The following AASDH variants were observed in gnomAD, a reference collection of about 807,000 sequenced individuals.
The protein encoded by AASDH is aminoadipate-semialdehyde dehydrogenase.
In AASDH, 81 loss-of-function variants were observed where a neutral mutation model predicts 102.3. The ratio of observed to expected loss-of-function variants is 0.79; its 90% CI spans 0.66 to 0.95. AASDH has a LOEUF of 0.95. Among genes scored for constraint, AASDH ranks in the 40% least tolerant of loss-of-function variants. AASDH has a pLI of 0.00. For missense variants in AASDH, 1,203 were observed against 1,266.2 expected, an observed-to-expected ratio of 0.95 and a Z score of 0.76; for synonymous variants, 398 against 454.0, an observed-to-expected ratio of 0.88 and a Z score of 1.57.
chr4:56,344,658 C>T (rs930468066), intron 12 of AASDH, among the ~76,000 whole-genome samples: 6 of 151,928 alleles, frequency 3.9e-5, no homozygotes, highest in East Asian at 3.8e-4. Context: ...TTGATATCTT[C>T]GTCATTTTTT....
chr4:56,379,124 T>A (rs1263054543), intron 3 of AASDH, among the ~76,000 whole-genome samples: 2 of 151,996 alleles, frequency 1.3e-5, no homozygotes, highest in African/African-American at 4.8e-5. Context: ...CTTGACCTCA[T>A]GATCCGCCAG....
At chr4:56,376,216 G>C (rs78783613) in intron 4 of AASDH, among the ~76,000 whole-genome samples, 2,406 of 151,940 alleles carry the variant, frequency 0.016, 73 homozygotes, top group African/African-American at 0.055. Context: ...CTTAAAGACA[G>C]AGTCCCACTA....
In AASDH at chr4:56,351,357, T is replaced by C; in HGVS notation, c.1677A>G (p.Leu559=). The C allele has an allele frequency of 6.3e-7, 1 of 1,580,162 alleles. No homozygotes were observed. The highest frequency in any genetic ancestry group is 1.1e-5 in the South Asian group (1 of 88,064). Residue 559 remains leucine (L), a synonymous_variant, in exon 10 of 15, where the codon TTA becomes TTG. Coordinates refer to ENST00000205214, the MANE Select transcript of AASDH (RefSeq NM_181806.4). The part of the protein sequence containing the change: ...LSGKEDLWEK[L]QYLWKSTLNL... ...AAAATTGTACCTTCCACAAATACTG[T>C]AATTTTTCCCAAAGGTCCTCTTTCC...
intron 11 of AASDH, 166 bp downstream of exon 11, chr4:56,349,097 C>T (rs1384272488): frequency 4.1e-6 from 3 of 728,118 alleles, no homozygotes; most frequent in Non-Finnish European, 6.6e-6. Flanking sequence ...TCCAGGGACT[C>T]TTGACCCCAA....
chr4:56,386,799 C>CAAAAAAAAAAAA (rs386400124), intron 1 of AASDH, among the ~76,000 whole-genome samples: 2 of 48,816 alleles, frequency 4.1e-5, no homozygotes, highest in Non-Finnish European at 7.0e-5. Flanking sequence ...GACTCCGTCT[C>CAAAAAAAAAAAA]AAAAAAAAAA....
chr4:56,369,166 G>C (rs568249854), intron 5 of AASDH, among the ~76,000 whole-genome samples: 5 of 152,238 alleles, frequency 3.3e-5, no homozygotes, highest in South Asian at 2.1e-4. Flanking sequence ...AGAAAAATTT[G>C]ATCCCAAAAA....
In AASDH at chr4:56,355,237, A is replaced by T; in HGVS notation, c.1048T>A (p.Ser350Thr). The T allele has an allele frequency of 6.2e-7, 1 of 1,614,086 alleles. No individual in the cohort carries two copies. The highest frequency in any genetic ancestry group is 8.5e-7 in the Non-Finnish European group (1 of 1,179,994). ...IFNVYGITEV[S>T]SWATIYRIPE... ...ATCCTATAAATGGTCGCCCAACTTG[A>T]TACCTCTGTGATACCATAAACATTA... Residue 350 changes from serine to threonine, a missense_variant, in exon 6 of 15, where the codon TCA becomes ACA. Transcript: ENST00000205214.
chr4:56,363,635 A>C (rs1351375332), intron 5 of AASDH, among the ~76,000 whole-genome samples: 2 of 152,168 alleles, frequency 1.3e-5, no homozygotes, highest in African/African-American at 2.4e-5. Context: ...CCTCCAGCAA[A>C]CTCTAACAGA....
rs747943004 is a variant in AASDH, at chr4:56,355,332, C to T, written c.953G>A (p.Gly318Asp). ...ATTSLRVLAL[G>D]GEAFPSLTVL... is the part of the protein sequence containing the mutation. ...TGTCAATGATGGAAACGCTTCACCA[C>T]CAAGGGCTAATACTCGAAGAGAAGT... Residue 318 changes from glycine (G) to aspartate (D), a missense_variant, in exon 6 of 15, where the codon GGT becomes GAT. Coordinates refer to ENST00000205214, the MANE Select transcript of AASDH (RefSeq NM_181806.4). The T allele has an allele frequency of 6.2e-7, 1 of 1,614,144 alleles. No homozygotes were observed. The highest frequency in any genetic ancestry group is 1.3e-5 in the African/African-American group (1 of 75,048).
chr4:56,349,883 T>C lies in AASDH; in HGVS notation c.1868A>G (p.Tyr623Cys), dbSNP rs377506396. The change falls in exon 11 of 15, where the codon TAT becomes TGT. Residue 623 changes from tyrosine (Y) to cysteine (C), a missense_variant. By Grantham distance (194) the Tyr-to-Cys change is radical (BLOSUM62 -2). Transcript: ENST00000205214. ...AACCACTGTTTGAAGGATGTGATTA[T>C]AAATCTCTAAAATGGAACTGCTGAG... ...IILSSSILEIYNHILQTVVPD... is the reference protein window; with the variant it reads ...IILSSSILEICNHILQTVVPD... The C allele has an allele frequency of 1.9e-6, 3 of 1,614,176 alleles. No individual in the cohort carries two copies. Among genetic ancestry groups the C allele is most frequent in the East Asian group, 4.5e-5 (2 of 44,874 alleles).
rs1749552597 is a variant in AASDH, at chr4:56,355,642, A to C, written c.862-219T>G. Reference sequence around the variant, plus strand: ...GTTTTGTTTGTTTGTTTTTTGAGACAGGGTCTCACTCTGTTGATCAGGCTG... The same window carrying C: ...GTTTTGTTTGTTTGTTTTTTGAGACCGGGTCTCACTCTGTTGATCAGGCTG... On this transcript the variant is annotated intron_variant, in intron 5 of 14. Coordinates refer to ENST00000205214, the MANE Select transcript of AASDH (RefSeq NM_181806.4). Among the ~76,000 whole-genome samples, 4 of 135,350 alleles carry C rather than the reference A, an allele frequency of 3.0e-5. No homozygotes were observed. In the Admixed American group the frequency reaches 3.3e-4, roughly 11 times the overall value. The allele number at this position is 135,350 out of a possible 152,430, so 88.8% of individuals were successfully genotyped here. A position where few individuals can be genotyped will look rare whatever the true frequency, so the allele number is the denominator to read the frequency against.
intron 14 of AASDH, 102 bp from the exon 15 acceptor site, chr4:56,338,893 C>CTATT: frequency 8.6e-7 from 1 of 1,163,138 alleles, no homozygotes; most frequent in Non-Finnish European, 1.2e-6. Flanking sequence ...GAGATATAGG[C>CTATT]TATTTGAATG....
chr4:56,350,137 G>T, intron 10 of AASDH, 79 bp from the exon 11 acceptor site: 1 of 1,159,204 alleles, frequency 8.6e-7, no homozygotes. Flanking sequence ...GTAATATATA[G>T]AGATGAGAGT....
intron 3 of AASDH, among the ~76,000 whole-genome samples, chr4:56,380,043 T>G (rs1404115394): frequency 2.0e-5 from 3 of 152,208 alleles, no homozygotes; most frequent in Non-Finnish European, 4.4e-5. Flanking sequence ...TAAATGAGAT[T>G]CTGCTAAGTG....
chr4:56,368,234 G>A (rs1242648445), intron 5 of AASDH, among the ~76,000 whole-genome samples: 2 of 152,174 alleles, frequency 1.3e-5, no homozygotes. Context: ...TGCTGGAGAG[G>A]ATGTGGAGAA....
intron 4 of AASDH, among the ~76,000 whole-genome samples, chr4:56,377,354 A>T (rs1371276299): frequency 6.6e-6 from 1 of 152,186 alleles, no homozygotes; most frequent in Non-Finnish European, 1.5e-5. Context: ...CCACATCAGC[A>T]AGTCAAACTC....
intron 5 of AASDH, among the ~76,000 whole-genome samples, chr4:56,365,564 C>T (rs1352977176): frequency 6.6e-6 from 1 of 151,984 alleles, no homozygotes; most frequent in Non-Finnish European, 1.5e-5. Context: ...GATTAAGAAA[C>T]TCACTCAAAA....
At position 56,353,981 on chromosome 4, in the gene AASDH, G is replaced by A. The variant is rs1749282921; in HGVS notation, c.1383+58C>T. 17 of 1,443,012 alleles carry A rather than the reference G, an allele frequency of 1.2e-5. No homozygotes were observed. The South Asian group carries it at 2.5e-4, about 21-fold the overall frequency. The allele number at this position is 1,443,012 out of a possible 1,614,324, so 89.4% of individuals were successfully genotyped here. On this transcript the variant is annotated intron_variant, in intron 8 of 14. Coordinates refer to ENST00000205214, the MANE Select transcript of AASDH (RefSeq NM_181806.4). ...GAGACCCCAGCACAGAAAATTGGTG[G>A]TGGCTGCTTCTACTACTTACATATA...
At chr4:56,362,669 T>C (rs1178081009) in intron 5 of AASDH, among the ~76,000 whole-genome samples, 4 of 152,220 alleles carry the variant, frequency 2.6e-5, no homozygotes, top group Non-Finnish European at 5.9e-5. Context: ...TAAAAAAGTG[T>C]ATATTATATC....
Sources: allele counts gnomAD v4.1 joint callset (sites outside exome capture counted in the v4.1 genomes callset), GRCh38; gene constraint gnomAD v4.1.1; transcripts MANE v1.5; gene names NCBI Gene and HGNC (gene_info 2026-07-23, HGNC 2026-07-21).